The following SATB2 variants were observed in gnomAD, a reference collection of about 807,000 sequenced individuals.
SATB2 encodes the protein DNA-binding protein SATB2.
A neutral mutation model predicts 73.4 loss-of-function variants in SATB2; 1 was observed. The observed-to-expected ratio is 0.01, with a 90% CI of 0.00 to 0.06. SATB2 has a LOEUF of 0.06. SATB2 is among the 10% of genes least tolerant of loss of function. The pLI, the probability that SATB2 is intolerant of heterozygous loss-of-function variation, is 1.00. For synonymous variants in SATB2, 397 were observed against 367.0 expected, an observed-to-expected ratio of 1.08 and a Z score of -0.93; for missense variants, 459 against 945.8, an observed-to-expected ratio of 0.49 and a Z score of 6.75.
At chr2:199,283,280 C>A in intron 10 of SATB2, among the ~76,000 whole-genome samples, 1 of 137,536 alleles carries the variant, frequency 7.3e-6, no homozygotes, top group South Asian at 2.3e-4. Context: ...TTTGTAGGGA[C>A]GGGGTTTCAT....
rs139499212 is a variant in SATB2, at chr2:199,409,489, T to C, written c.346+23849A>G. 8.5e-3 allele frequency among the ~76,000 whole-genome samples: 1,290 copies of C among 152,314 alleles called. 7 individuals carry two copies. Among genetic ancestry groups the C allele is most frequent in the Non-Finnish European group, 0.014 (962 of 68,020 alleles). On this transcript the variant is annotated intron_variant, in intron 3 of 10. Transcript: ENST00000417098. ...CCGGCCGCAAACCTCCAACATTTTC[T>C]AGAGCAATACTTGGCTGTAAGATAT...
chr2:199,465,510 T>G (rs1692576645), upstream of SATB2, among the ~76,000 whole-genome samples: 1 of 152,220 alleles, frequency 6.6e-6, no homozygotes, highest in African/African-American at 2.4e-5. Context: ...TTTGTTCTGG[T>G]TTTCCAATCT....
chr2:199,363,722 A>G (rs1271960369), intron 6 of SATB2, among the ~76,000 whole-genome samples: 1 of 152,202 alleles, frequency 6.6e-6, no homozygotes, highest in Admixed American at 6.5e-5. Flanking sequence ...TTGTATTAAA[A>G]ACCATACCAT....
upstream of SATB2, among the ~76,000 whole-genome samples, chr2:199,467,802 G>A (rs1317898942): frequency 6.6e-6 from 1 of 152,096 alleles, no homozygotes; most frequent in Non-Finnish European, 1.5e-5. Context: ...GGACCCCGGG[G>A]CCAGGGCCTC....
At chr2:199,344,307 T>A (rs1574527086) in intron 7 of SATB2, among the ~76,000 whole-genome samples, 1 of 151,980 alleles carries the variant, frequency 6.6e-6, no homozygotes, top group African/African-American at 2.4e-5. Context: ...AGCCAAAAGA[T>A]AGATCCTTCC....
At chr2:199,318,880 A>G (rs1328613855) in intron 9 of SATB2, among the ~76,000 whole-genome samples, 1 of 152,160 alleles carries the variant, frequency 6.6e-6, no homozygotes, top group Non-Finnish European at 1.5e-5. Context: ...TAGACCACCT[A>G]TAAGGAGAGA....
intron 3 of SATB2, among the ~76,000 whole-genome samples, chr2:199,414,612 G>C (rs2105906807): frequency 6.6e-6 from 1 of 152,268 alleles, no homozygotes; most frequent in South Asian, 2.1e-4. Flanking sequence ...TCAAATTGCT[G>C]TATTGTTTTG....
upstream of SATB2, among the ~76,000 whole-genome samples, chr2:199,466,697 G>C (rs1692599399): frequency 6.6e-6 from 1 of 152,200 alleles, no homozygotes; most frequent in African/African-American, 2.4e-5. Context: ...CCACTGAGCT[G>C]CTCTGGGAAC....
chr2:199,371,498 T>G (rs1014227366), intron 5 of SATB2, among the ~76,000 whole-genome samples: 1 of 151,876 alleles, frequency 6.6e-6, no homozygotes, highest in African/African-American at 2.4e-5. Flanking sequence ...TCAACATCAC[T>G]GAAATAGAGA....
At chr2:199,333,495 G>A (rs907148860) in intron 7 of SATB2, among the ~76,000 whole-genome samples, 4 of 152,128 alleles carry the variant, frequency 2.6e-5, no homozygotes, top group African/African-American at 9.7e-5. Flanking sequence ...TGGGCAGCGT[G>A]TGAAGCTGGG....
chr2:199,446,380 A>G (rs536618475), intron 2 of SATB2, among the ~76,000 whole-genome samples: 1 of 152,332 alleles, frequency 6.6e-6, no homozygotes, highest in African/African-American at 2.4e-5. Flanking sequence ...AAATTCACCT[A>G]AAATAACTAC....
In SATB2 at chr2:199,425,338, G is replaced by C. The variant is rs143708558; in HGVS notation, c.346+8000C>G. On this transcript the variant is annotated intron_variant, in intron 3 of 10. Transcript: ENST00000417098. ...CTCTGGAGAAGAAGGACTTTAGGCA[G>C]TTTAAAAAATATATCAAAGTTAATT... 2.4e-3 allele frequency among the ~76,000 whole-genome samples: 369 copies of C among 152,324 alleles called. 1 individual carries two copies. The highest frequency in any genetic ancestry group is 8.5e-3 in the African/African-American group (352 of 41,584).
intron 10 of SATB2, among the ~76,000 whole-genome samples, chr2:199,299,165 G>A (rs900816185): frequency 6.6e-6 from 1 of 152,198 alleles, no homozygotes; most frequent in Non-Finnish European, 1.5e-5. Flanking sequence ...AAAAAGAGAA[G>A]TGTTTATCTG....
intron 10 of SATB2, among the ~76,000 whole-genome samples, chr2:199,279,418 T>C (rs764417854): frequency 6.6e-5 from 10 of 152,224 alleles, no homozygotes; most frequent in African/African-American, 1.7e-4. Flanking sequence ...TTTTTGCCTG[T>C]AGGGAAGGAA....
At chr2:199,412,372 C>T (rs1238663642) in intron 3 of SATB2, among the ~76,000 whole-genome samples, 1 of 152,142 alleles carries the variant, frequency 6.6e-6, no homozygotes, top group Admixed American at 6.5e-5. Flanking sequence ...TACAAGAATT[C>T]TGGGGACAAA....
intron 6 of SATB2, among the ~76,000 whole-genome samples, chr2:199,368,142 T>C (rs997886606): frequency 1.3e-5 from 2 of 152,094 alleles, no homozygotes; most frequent in African/African-American, 4.8e-5. Context: ...AGCTAGAATG[T>C]AGAAGCTAAA....
At chr2:199,333,599 A>G (rs1190810658) in intron 7 of SATB2, among the ~76,000 whole-genome samples, 2 of 152,128 alleles carry the variant, frequency 1.3e-5, no homozygotes. Context: ...ATAAAGTGCA[A>G]AAACTGATAA....
intron 6 of SATB2, among the ~76,000 whole-genome samples, chr2:199,352,444 G>C (rs1046622185): frequency 2.6e-5 from 4 of 152,142 alleles, no homozygotes; most frequent in African/African-American, 9.7e-5. Context: ...TCTGAATAAT[G>C]TCAGTCCATA....
At chr2:199,291,597 C>T (rs1692862276) in intron 10 of SATB2, among the ~76,000 whole-genome samples, 1 of 152,116 alleles carries the variant, frequency 6.6e-6, no homozygotes, top group African/African-American at 2.4e-5. Flanking sequence ...CGAGTTCTAT[C>T]AAACCTCTAT....
Sources: allele counts gnomAD v4.1 joint callset (sites outside exome capture counted in the v4.1 genomes callset), GRCh38; gene constraint gnomAD v4.1.1; transcripts MANE v1.5; gene names NCBI Gene and HGNC (gene_info 2026-07-23, HGNC 2026-07-21).